Variants in ZMYM2 observed in about 807,000 individuals in gnomAD.
ZMYM2 encodes zinc finger MYM-type containing 2.
Under a neutral mutation model 162.8 loss-of-function variants are expected in ZMYM2, and 56 were observed. The observed-to-expected ratio is 0.34, with a 90% CI of 0.28 to 0.43. The LOEUF (loss-of-function observed/expected upper bound fraction) is 0.43, where lower values mean the gene tolerates loss of function less well. Among genes scored for constraint, ZMYM2 ranks in the 20% least tolerant of loss-of-function variants. The pLI is 1.00. For missense variants in ZMYM2, 1,275 were observed against 1,621.8 expected (o/e 0.79, Z 3.67); for synonymous variants, 510 against 541.6 (o/e 0.94, Z 0.81).
At chr13:19,920,730 TTATGTGTGTATGTATGTATGTATG>T in the ZMYM2 span, among the ~76,000 whole-genome samples, 2 of 133,148 alleles carry the variant, frequency 1.5e-5, no homozygotes, top group African/African-American at 5.3e-5. Context: ...GTCCCTTCAT[TTATGTGTGTATGTATGTATGTATG>T]TATGTATGTA....
At chr13:19,978,464 T>C (rs1017644971) in intron 2 of ZMYM2, among the ~76,000 whole-genome samples, 5 of 152,146 alleles carry the variant, frequency 3.3e-5, no homozygotes, top group Admixed American at 2.0e-4. Context: ...TTGCCCAGGC[T>C]GGAGGGCAAT....
the ZMYM2 span, among the ~76,000 whole-genome samples, chr13:19,865,243 C>T: frequency 6.6e-6 from 1 of 152,202 alleles, no homozygotes; most frequent in East Asian, 1.9e-4. Flanking sequence ...AACGAAAAAA[C>T]CAAAACGCCA....
the ZMYM2 span, among the ~76,000 whole-genome samples, chr13:19,917,188 T>C: frequency 6.6e-6 from 1 of 151,966 alleles, no homozygotes; most frequent in South Asian, 2.1e-4. Context: ...GGTCTCAATC[T>C]CCTGACCTCG....
At chr13:19,884,806 A>G in the ZMYM2 span, among the ~76,000 whole-genome samples, 1 of 152,216 alleles carries the variant, frequency 6.6e-6, no homozygotes, top group African/African-American at 2.4e-5. Context: ...AATCTTCAAC[A>G]AGCCATACAA....
At chr13:19,904,084 A>G in the ZMYM2 span, among the ~76,000 whole-genome samples, 3,297 of 152,238 alleles carry the variant, frequency 0.022, 53 homozygotes, top group Middle Eastern at 0.061. Flanking sequence ...TCCCATTAAA[A>G]AGGCTGATCC....
At chr13:19,876,469 C>T in the ZMYM2 span, among the ~76,000 whole-genome samples, 1 of 152,064 alleles carries the variant, frequency 6.6e-6, no homozygotes, top group Non-Finnish European at 1.5e-5. Context: ...ACTACAGGCA[C>T]GTGCCACTAC....
At chr13:19,990,340 G>C (rs1381877779) in intron 2 of ZMYM2, among the ~76,000 whole-genome samples, 2 of 152,132 alleles carry the variant, frequency 1.3e-5, no homozygotes, top group East Asian at 3.8e-4. Context: ...CCTCCTCTTT[G>C]CTTCTTACTT....
chr13:19,955,555 T>C (rs555643092), upstream of ZMYM2, among the ~76,000 whole-genome samples: 1 of 152,330 alleles, frequency 6.6e-6, no homozygotes, highest in South Asian at 2.1e-4. Flanking sequence ...CGGTGAGCTC[T>C]TGGTCTTCGA....
chr13:19,947,161 C>T, the ZMYM2 span, among the ~76,000 whole-genome samples: 1 of 152,088 alleles, frequency 6.6e-6, no homozygotes, highest in Non-Finnish European at 1.5e-5. Context: ...CCTGCCTCCA[C>T]GCTATTCTCC....
Position 20,071,597 on chromosome 13 carries a change from C to T in ZMYM2, c.3453+4207C>T, listed in dbSNP as rs968428734. Among the ~76,000 whole-genome samples the T allele has an allele frequency of 2.6e-5, 4 of 152,300 alleles. 1 individual carries two copies. The highest frequency in any genetic ancestry group is 1.9e-4 in the East Asian group (1 of 5,178). ...ATGAAGGGATGGTCCCTGCTTGGCC[C>T]GTGGCCAGTCCAGGGCACTCTCTCT... On this transcript the variant is annotated intron_variant, in intron 21 of 24. Transcript: ENST00000610343.
intron 14 of ZMYM2, among the ~76,000 whole-genome samples, chr13:20,054,273 G>A (rs1387026774): frequency 6.6e-6 from 1 of 152,206 alleles, no homozygotes; most frequent in African/African-American, 2.4e-5. Context: ...CCTACCTCAT[G>A]TTGAATACTA....
chr13:19,895,543 A>G, the ZMYM2 span, among the ~76,000 whole-genome samples: 1 of 151,800 alleles, frequency 6.6e-6, no homozygotes, highest in Non-Finnish European at 1.5e-5. Context: ...ATGGTGAGGG[A>G]GCTAGCTCTG....
chr13:19,963,630 T>G (rs1955480186), intron 2 of ZMYM2, among the ~76,000 whole-genome samples: 1 of 152,182 alleles, frequency 6.6e-6, no homozygotes, highest in Non-Finnish European at 1.5e-5. Context: ...AAAGGGTCTT[T>G]ATGGTCATCA....
intron 2 of ZMYM2, among the ~76,000 whole-genome samples, chr13:19,987,185 G>T (rs924778969): frequency 6.6e-6 from 1 of 150,640 alleles, no homozygotes; most frequent in Admixed American, 6.6e-5. Context: ...CAAGAAAATG[G>T]TAGAGGTCAG....
the ZMYM2 span, among the ~76,000 whole-genome samples, chr13:19,931,086 C>T: frequency 8.0e-5 from 12 of 149,102 alleles, no homozygotes; most frequent in Admixed American, 8.0e-4. Flanking sequence ...TTGCAGTGAG[C>T]CGAGATGGCG....
chr13:19,901,766 C>T, the ZMYM2 span, among the ~76,000 whole-genome samples: 7 of 152,150 alleles, frequency 4.6e-5, no homozygotes, highest in South Asian at 2.1e-4. Flanking sequence ...TGAGCTACCG[C>T]GCCTGGCCCA....
chr13:19,887,239 TATATC>T, the ZMYM2 span, among the ~76,000 whole-genome samples: 1 of 151,706 alleles, frequency 6.6e-6, no homozygotes, highest in African/African-American at 2.4e-5. Flanking sequence ...ATATTCAAAT[TATATC>T]ATAGCTGGGA....
chr13:19,885,659 G>T, the ZMYM2 span, among the ~76,000 whole-genome samples: 9 of 151,868 alleles, frequency 5.9e-5, no homozygotes, highest in Non-Finnish European at 7.4e-5. Context: ...GGTCAACATG[G>T]TGAAACCCCT....
the ZMYM2 span, among the ~76,000 whole-genome samples, chr13:19,904,780 T>C: frequency 6.6e-6 from 1 of 152,166 alleles, no homozygotes; most frequent in Non-Finnish European, 1.5e-5. Context: ...AGTGATATCA[T>C]AAAATATTTG....
Sources: allele counts gnomAD v4.1 joint callset (sites outside exome capture counted in the v4.1 genomes callset), GRCh38; gene constraint gnomAD v4.1.1; transcripts MANE v1.5; gene names NCBI Gene and HGNC (gene_info 2026-07-23, HGNC 2026-07-21).